MORC1: variants seen among roughly 807,000 people sequenced by gnomAD.
The protein encoded by MORC1 is MORC family CW-type zinc finger protein 1.
In MORC1, 59 loss-of-function variants were observed where a neutral mutation model predicts 134.9. The observed-to-expected ratio is 0.44, with a 90% CI of 0.35 to 0.54. The LOEUF (loss-of-function observed/expected upper bound fraction) is 0.54. MORC1 is among the 20% of genes least tolerant of loss of function. The probability of loss-of-function intolerance (pLI) is 0.00; values close to 1 mark genes in which losing one functional copy is unlikely to be tolerated. For missense variants in MORC1, 947 were observed against 1,134.5 expected, an observed-to-expected ratio of 0.83 and a Z score of 2.37; for synonymous variants, 395 against 391.7, an observed-to-expected ratio of 1.01 and a Z score of -0.10.
At chr3:109,060,986 T>TAA (rs891988682) in intron 11 of MORC1, among the ~76,000 whole-genome samples, 1 of 143,428 alleles carries the variant, frequency 7.0e-6, no homozygotes, top group Non-Finnish European at 1.6e-5. Context: ...ACCCTTAATT[T>TAA]AAAAAAAAAT....
chr3:109,068,801 G>A lies in MORC1; in HGVS notation c.815+831C>T, dbSNP rs112432343. Reference sequence around the variant, plus strand: ...ACCACATCAAGAAAATGACCATTCTGATGGCATGCATGGTTGGAAAAAATG... The same window carrying A: ...ACCACATCAAGAAAATGACCATTCTAATGGCATGCATGGTTGGAAAAAATG... On this transcript the variant is annotated intron_variant, in intron 9 of 27. Coordinates refer to ENST00000232603, the MANE Select transcript of MORC1 (RefSeq NM_014429.4). Among the ~76,000 whole-genome samples, 964 of 152,302 alleles carry A rather than the reference G, an allele frequency of 6.3e-3. 5 individuals carry two copies. Among genetic ancestry groups the A allele is most frequent in the African/African-American group, 0.012 (517 of 41,576 alleles).
At chr3:109,007,961 G>A (rs963871351) in intron 17 of MORC1, among the ~76,000 whole-genome samples, 4 of 151,970 alleles carry the variant, frequency 2.6e-5, no homozygotes, top group African/African-American at 9.7e-5. Flanking sequence ...GTGTGTGTGT[G>A]TGTATACATA....
chr3:109,033,134 T>G (rs145350107), intron 15 of MORC1, among the ~76,000 whole-genome samples: 124 of 152,216 alleles, frequency 8.1e-4, no homozygotes, highest in African/African-American at 2.9e-3. Context: ...ATAATTTCAG[T>G]GACTTGACTC....
At chr3:109,003,345 AGT>A (rs1948454458) in intron 20 of MORC1, among the ~76,000 whole-genome samples, 1 of 150,190 alleles carries the variant, frequency 6.7e-6, no homozygotes, top group Non-Finnish European at 1.5e-5. Context: ...ATCTACATGA[AGT>A]GTGTGTATAT....
intron 17 of MORC1, among the ~76,000 whole-genome samples, chr3:109,020,290 A>G (rs1241894134): frequency 6.6e-6 from 1 of 152,222 alleles, no homozygotes; most frequent in African/African-American, 2.4e-5. Context: ...AAGTGGAGGA[A>G]AAGTTATTCT....
chr3:109,035,803 C>T (rs980716404), intron 14 of MORC1, among the ~76,000 whole-genome samples: 8 of 152,010 alleles, frequency 5.3e-5, no homozygotes, highest in Admixed American at 3.9e-4. Context: ...TAAGCATTCC[C>T]AGGAAAGACT....
At chr3:108,965,858 A>G (rs73200661) in intron 26 of MORC1, among the ~76,000 whole-genome samples, 3,198 of 152,308 alleles carry the variant, frequency 0.021, 60 homozygotes, top group South Asian at 0.048. Context: ...ATACGAGATG[A>G]GACCAAGAAT....
intron 27 of MORC1, among the ~76,000 whole-genome samples, chr3:108,959,600 C>CT (rs1332217203): frequency 6.6e-6 from 1 of 152,164 alleles, no homozygotes; most frequent in South Asian, 2.1e-4. Context: ...CCCCTTCTCT[C>CT]TTTTACTCAG....
rs1553761615 is a variant in MORC1, at chr3:109,087,179, A to AAAT, written c.689+6256_689+6257insATT. Among the ~76,000 whole-genome samples the AAAT allele has an allele frequency of 5.7e-4, 87 of 151,724 alleles. 4 individuals are homozygous for AAAT. Among genetic ancestry groups the AAAT allele is most frequent in the African/African-American group, 1.9e-3 (78 of 41,266 alleles). On this transcript the variant is annotated intron_variant, in intron 8 of 27. Transcript: ENST00000232603. ...TTGAACAGGTGCTGAACCACCTGGC[A>AAAT]AACAAGGGAGAGTGAGGTATATGAG...
intron 26 of MORC1, among the ~76,000 whole-genome samples, chr3:108,967,968 T>C (rs1365222236): frequency 3.9e-5 from 6 of 152,230 alleles, no homozygotes; most frequent in African/African-American, 1.4e-4. Flanking sequence ...TCTGAATCTC[T>C]ATTTCCTCAT....
At chr3:109,046,765 C>T (rs1005127603) in intron 14 of MORC1, among the ~76,000 whole-genome samples, 31 of 152,140 alleles carry the variant, frequency 2.0e-4, no homozygotes, top group African/African-American at 7.2e-4. Context: ...TTATAGGATA[C>T]ATACAGATAG....
rs190925948 is a variant in MORC1, at chr3:109,020,658, C to T, written c.1704+7093G>A. Among the ~76,000 whole-genome samples, 281 of 151,150 alleles carry T rather than the reference C, an allele frequency of 1.9e-3. 2 individuals carry two copies. The highest frequency in any genetic ancestry group is 6.0e-3 in the African/African-American group (248 of 41,072). On this transcript the variant is annotated intron_variant, in intron 17 of 27. Transcript: ENST00000232603. Reference sequence around the variant, plus strand: ...GCGGGTGCCTGTGGTCCCAGCTACTCGGGAGGCTGAGGCAGGAGAATGGTG... The same window carrying T: ...GCGGGTGCCTGTGGTCCCAGCTACTTGGGAGGCTGAGGCAGGAGAATGGTG...
intron 2 of MORC1, among the ~76,000 whole-genome samples, chr3:109,112,331 C>T (rs1484717775): frequency 6.6e-6 from 1 of 152,144 alleles, no homozygotes; most frequent in Non-Finnish European, 1.5e-5. Flanking sequence ...TAATATCTTT[C>T]AGTTCTAATT....
intron 22 of MORC1, among the ~76,000 whole-genome samples, chr3:108,985,760 A>G (rs1947879199): frequency 6.6e-6 from 1 of 152,218 alleles, no homozygotes; most frequent in African/African-American, 2.4e-5. Flanking sequence ...TTAGGATAAA[A>G]TTGTATTAGC....
At chr3:108,982,709 C>T (rs780820738) in intron 23 of MORC1, among the ~76,000 whole-genome samples, 37 of 142,942 alleles carry the variant, frequency 2.6e-4, no homozygotes, top group East Asian at 2.0e-4. Context: ...TGCACATGTA[C>T]CCTAGAACTT....
chr3:109,063,640 C>G (rs773153174), intron 9 of MORC1, among the ~76,000 whole-genome samples: 1 of 152,284 alleles, frequency 6.6e-6, no homozygotes, highest in South Asian at 2.1e-4. Flanking sequence ...TTATCTCTAA[C>G]TGCGATGCTG....
intron 17 of MORC1, among the ~76,000 whole-genome samples, chr3:109,025,843 G>A (rs1949062188): frequency 6.6e-6 from 1 of 152,174 alleles, no homozygotes; most frequent in Non-Finnish European, 1.5e-5. Flanking sequence ...CAAAAAGACT[G>A]TATAATATCT....
At chr3:109,040,114 C>A (rs11916436) in intron 14 of MORC1, among the ~76,000 whole-genome samples, 63,750 of 150,932 alleles carry the variant, frequency 0.42, 14,152 homozygotes, top group Middle Eastern at 0.56. Context: ...ACAACAACAA[C>A]AAAAAACAGT....
chr3:109,098,541 C>A (rs1950868821), intron 6 of MORC1, among the ~76,000 whole-genome samples: 1 of 152,120 alleles, frequency 6.6e-6, no homozygotes, highest in East Asian at 1.9e-4. Context: ...CTTGCTGAGG[C>A]CATTAATCTC....
Sources: allele counts gnomAD v4.1 joint callset (sites outside exome capture counted in the v4.1 genomes callset), GRCh38; gene constraint gnomAD v4.1.1; transcripts MANE v1.5; gene names NCBI Gene and HGNC (gene_info 2026-07-23, HGNC 2026-07-21).